CTNNA2: variants seen among roughly 807,000 people sequenced by gnomAD.
The protein encoded by CTNNA2 is catenin alpha-2.
In CTNNA2, 42 loss-of-function variants were observed where a neutral mutation model predicts 101.0. That is an observed-to-expected ratio of 0.42 (90% CI 0.32 to 0.54). The LOEUF is 0.54. Among genes scored for constraint, CTNNA2 ranks in the 20% least tolerant of loss-of-function variants. The pLI is 0.14. For missense variants in CTNNA2, 871 were observed against 1,223.1 expected (o/e 0.71, Z 4.29); for synonymous variants, 450 against 456.4 (o/e 0.99, Z 0.18).
intron 3 of CTNNA2, among the ~76,000 whole-genome samples, chr2:79,353,920 T>C (rs1395550404): frequency 2.0e-5 from 3 of 152,200 alleles, no homozygotes; most frequent in Non-Finnish European, 4.4e-5. Context: ...TATTTCTTCT[T>C]CACTTATTAT....
intron 15 of CTNNA2, among the ~76,000 whole-genome samples, chr2:80,596,184 G>A (rs1439626235): frequency 2.7e-5 from 4 of 147,528 alleles, no homozygotes; most frequent in African/African-American, 9.9e-5. Context: ...TGATGTGTAG[G>A]AATGCCTGTG....
At chr2:79,309,750 C>T (rs1676324400) in intron 2 of CTNNA2, among the ~76,000 whole-genome samples, 1 of 152,114 alleles carries the variant, frequency 6.6e-6, no homozygotes, top group African/African-American at 2.4e-5. Flanking sequence ...GAAACTTTAG[C>T]ATGTGTAATT....
intron 2 of CTNNA2, among the ~76,000 whole-genome samples, chr2:79,731,962 G>C (rs188756178): frequency 6.6e-6 from 1 of 151,360 alleles, no homozygotes; most frequent in African/African-American, 2.4e-5. Flanking sequence ...AAGAGTAAAA[G>C]CTTGTAAAGT....
intron 1 of CTNNA2, among the ~76,000 whole-genome samples, chr2:79,584,806 C>T (rs1178926324): frequency 6.6e-6 from 1 of 152,206 alleles, no homozygotes; most frequent in African/African-American, 2.4e-5. Context: ...AGGCGTGAGC[C>T]ACCGCACCCG....
Position 79,344,140 on chromosome 2 carries a change from A to G in CTNNA2, c.-317-29691A>G, listed in dbSNP as rs147433088. 6.7e-3 allele frequency among the ~76,000 whole-genome samples: 1,023 copies of G among 152,218 alleles called. 7 individuals are homozygous for G. The highest frequency in any genetic ancestry group is 8.1e-3 in the Non-Finnish European group (553 of 68,008). On this transcript the variant is annotated intron_variant, in intron 3 of 21. Transcript: ENST00000466387. ...CAACTGGCACACTAACCAGAGGGGC[A>G]GGCATTGCCCAGTGAATTGTCAAAG...
intron 18 of CTNNA2, among the ~76,000 whole-genome samples, chr2:80,624,872 T>C (rs1385054591): frequency 6.6e-6 from 1 of 152,024 alleles, no homozygotes; most frequent in Non-Finnish European, 1.5e-5. Context: ...TATCTAGATA[T>C]AGATATATGT....
chr2:80,608,911 A>G (rs1406754387), intron 17 of CTNNA2, among the ~76,000 whole-genome samples: 2 of 151,832 alleles, frequency 1.3e-5, no homozygotes, highest in Non-Finnish European at 2.9e-5. Flanking sequence ...TTCCTTTCTC[A>G]TGAAAATATA....
At chr2:80,099,897 CAG>C (rs1328375006) in intron 7 of CTNNA2, among the ~76,000 whole-genome samples, 2 of 152,034 alleles carry the variant, frequency 1.3e-5, no homozygotes, top group Non-Finnish European at 2.9e-5. Context: ...ACTATAGTAT[CAG>C]AGTCTTTGGG....
chr2:80,169,899 G>C (rs4441497), intron 7 of CTNNA2, among the ~76,000 whole-genome samples: 27,518 of 152,024 alleles, frequency 0.18, 3,292 homozygotes, highest in African/African-American at 0.33. Flanking sequence ...CTAAACCTTG[G>C]CTTCTTTATT....
At chr2:79,339,588 C>A (rs570802784) in intron 3 of CTNNA2, 1 of 152,266 alleles carries the variant, frequency 6.6e-6, no homozygotes, top group Non-Finnish European at 1.5e-5. Flanking sequence ...CCCGCAAGTT[C>A]ACCCACATAT....
chr2:79,691,272 T>C (rs998919406), intron 2 of CTNNA2, among the ~76,000 whole-genome samples: 53 of 152,022 alleles, frequency 3.5e-4, no homozygotes, highest in Admixed American at 3.4e-3. Context: ...CTATATTCCT[T>C]TTTCTTATTA....
intron 1 of CTNNA2, among the ~76,000 whole-genome samples, chr2:79,537,230 C>T (rs995059921): frequency 6.6e-6 from 1 of 152,120 alleles, no homozygotes; most frequent in Non-Finnish European, 1.5e-5. Context: ...TATGTAATGA[C>T]CACCATTTCT....
chr2:79,692,146 G>A (rs1684347126), intron 2 of CTNNA2, among the ~76,000 whole-genome samples: 1 of 152,126 alleles, frequency 6.6e-6, no homozygotes, highest in Non-Finnish European at 1.5e-5. Context: ...CTAATATCCA[G>A]AATCTACAAA....
chr2:79,290,985 G>A (rs1166075577), intron 2 of CTNNA2, among the ~76,000 whole-genome samples: 2 of 152,170 alleles, frequency 1.3e-5, no homozygotes, highest in South Asian at 2.1e-4. Context: ...GGGCTTCAGA[G>A]GCTGTAAACA....
chr2:79,661,613 T>G (rs948853469), intron 2 of CTNNA2, among the ~76,000 whole-genome samples: 1 of 152,214 alleles, frequency 6.6e-6, no homozygotes, highest in Non-Finnish European at 1.5e-5. Context: ...TCTAAGATGC[T>G]GGACTAGATT....
chr2:79,774,570 G>A (rs1173691767), intron 3 of CTNNA2, among the ~76,000 whole-genome samples: 1 of 152,140 alleles, frequency 6.6e-6, no homozygotes, highest in African/African-American at 2.4e-5. Context: ...GTAATTGCAT[G>A]TACATAGTAC....
intron 7 of CTNNA2, among the ~76,000 whole-genome samples, chr2:80,116,488 G>A (rs1037831662): frequency 2.6e-5 from 4 of 151,924 alleles, no homozygotes; most frequent in African/African-American, 9.7e-5. Flanking sequence ...GTATATGTTT[G>A]TGTGCATATG....
chr2:80,269,781 C>T (rs1334992829), intron 7 of CTNNA2, among the ~76,000 whole-genome samples: 3 of 152,090 alleles, frequency 2.0e-5, no homozygotes, highest in Non-Finnish European at 2.9e-5. Flanking sequence ...GTAGTCTTCC[C>T]ACTCATTTTC....
chr2:79,653,723 T>G (rs975599879), intron 2 of CTNNA2, among the ~76,000 whole-genome samples: 8 of 152,182 alleles, frequency 5.3e-5, no homozygotes, highest in Non-Finnish European at 1.2e-4. Flanking sequence ...TCTTTTGGCT[T>G]AATAGTTATT....
Sources: allele counts gnomAD v4.1 joint callset (sites outside exome capture counted in the v4.1 genomes callset), GRCh38; gene constraint gnomAD v4.1.1; transcripts MANE v1.5; gene names NCBI Gene and HGNC (gene_info 2026-07-23, HGNC 2026-07-21).